TMEFF2: variants seen among roughly 807,000 people sequenced by gnomAD.
The protein encoded by TMEFF2 is tomoregulin-2.
Under a neutral mutation model 53.8 loss-of-function variants are expected in TMEFF2, and 28 were observed. That is an observed-to-expected ratio of 0.52 (90% CI 0.39 to 0.71). TMEFF2 has a LOEUF of 0.71. TMEFF2 is among the 30% of genes least tolerant of loss of function. The probability of loss-of-function intolerance (pLI) is 0.00; values close to 1 mark genes in which losing one functional copy is unlikely to be tolerated. For synonymous variants in TMEFF2, 162 were observed against 166.3 expected, an observed-to-expected ratio of 0.97 and a Z score of 0.20; for missense variants, 353 against 455.2, an observed-to-expected ratio of 0.78 and a Z score of 2.04.
chr2:192,133,454 C>G (rs1022198686), intron 4 of TMEFF2, among the ~76,000 whole-genome samples: 2 of 152,214 alleles, frequency 1.3e-5, no homozygotes, highest in Admixed American at 1.3e-4. Flanking sequence ...TATCACTCGT[C>G]TGCTACAGCA....
intron 7 of TMEFF2, among the ~76,000 whole-genome samples, chr2:191,983,386 T>C (rs1409996762): frequency 1.5e-5 from 1 of 65,572 alleles, no homozygotes; most frequent in African/African-American, 5.8e-5. Context: ...ATGATGCATC[T>C]TAGCCTTTTT....
At chr2:192,182,033 G>A (rs191082355) in intron 3 of TMEFF2, among the ~76,000 whole-genome samples, 45 of 151,814 alleles carry the variant, frequency 3.0e-4, no homozygotes, top group Admixed American at 2.6e-3. Flanking sequence ...CTAAATCTGA[G>A]CTCCTAGTTA....
chr2:192,024,144 G>A (rs1022989845), intron 5 of TMEFF2, among the ~76,000 whole-genome samples: 4 of 151,992 alleles, frequency 2.6e-5, no homozygotes, highest in Non-Finnish European at 5.9e-5. Flanking sequence ...ATAGATGAGG[G>A]TTTTCCATAG....
chr2:192,136,448 T>C (rs907148210), intron 4 of TMEFF2, among the ~76,000 whole-genome samples: 9 of 152,152 alleles, frequency 5.9e-5, no homozygotes, highest in African/African-American at 2.2e-4. Context: ...CATGGTATCA[T>C]TTTTTTATAA....
At position 191,950,017 on chromosome 2, in the gene TMEFF2, T is replaced by TTTTTTCTCATCACTGAGTATTTATTATA; in HGVS notation, c.*266_*293dup. The TTTTTTCTCATCACTGAGTATTTATTATA allele has an allele frequency of 1.8e-6, 2 of 1,117,390 alleles. No homozygotes were observed. Among genetic ancestry groups the TTTTTTCTCATCACTGAGTATTTATTATA allele is most frequent in the South Asian group, 2.6e-5 (1 of 38,018 alleles). 69.2% of individuals were successfully genotyped at this position (1,117,390 alleles called of 1,614,324 possible). ...GATACCGCAAATTTAAGAATGCCAA[T>TTTTTTCTCATCACTGAGTATTTATTATA]TTTTTCTCATCACTGAGTATTTATT... On this transcript the variant is annotated 3_prime_UTR_variant, in exon 10 of 10. Coordinates refer to ENST00000272771, the MANE Select transcript of TMEFF2 (RefSeq NM_016192.4).
At chr2:191,997,511 C>A (rs1440540967) in intron 7 of TMEFF2, among the ~76,000 whole-genome samples, 1 of 151,410 alleles carries the variant, frequency 6.6e-6, no homozygotes, top group African/African-American at 2.4e-5. Context: ...AAATGAAAAG[C>A]TCTGCCTAAA....
At chr2:191,972,571 G>A (rs1307047856) in intron 7 of TMEFF2, among the ~76,000 whole-genome samples, 1 of 151,996 alleles carries the variant, frequency 6.6e-6, no homozygotes, top group Admixed American at 6.6e-5. Flanking sequence ...GCAAACAGGA[G>A]ACCAGTACAG....
chr2:192,006,341 G>T (rs1255828422), intron 5 of TMEFF2, among the ~76,000 whole-genome samples: 1 of 152,162 alleles, frequency 6.6e-6, no homozygotes, highest in African/African-American at 2.4e-5. Flanking sequence ...CCAATCAGAG[G>T]AAAACTGAGC....
intron 4 of TMEFF2, among the ~76,000 whole-genome samples, chr2:192,073,438 T>TC (rs1273159061): frequency 2.6e-5 from 4 of 151,616 alleles, no homozygotes; most frequent in East Asian, 3.9e-4. Flanking sequence ...TTTTTTTTTT[T>TC]AAGCAAGTTA....
chr2:192,164,978 C>CTGTGTGTGTGTG (rs71033662), intron 4 of TMEFF2, among the ~76,000 whole-genome samples: 4,375 of 145,118 alleles, frequency 0.03, 134 homozygotes, highest in East Asian at 0.14. Flanking sequence ...TGAATAAAAA[C>CTGTGTGTGTGTG]TGTGTGTGTG....
At chr2:192,080,593 T>G (rs1688529285) in intron 4 of TMEFF2, among the ~76,000 whole-genome samples, 1 of 152,164 alleles carries the variant, frequency 6.6e-6, no homozygotes, top group Non-Finnish European at 1.5e-5. Flanking sequence ...TGTGTTGAGG[T>G]AGAGAGAGTA....
At chr2:191,972,708 A>G (rs1041938832) in intron 7 of TMEFF2, among the ~76,000 whole-genome samples, 13 of 152,182 alleles carry the variant, frequency 8.5e-5, no homozygotes, top group African/African-American at 3.1e-4. Flanking sequence ...ATGTATTGCA[A>G]AATGGTAGGA....
At chr2:192,096,331 CAT>C (rs1344466020) in intron 4 of TMEFF2, among the ~76,000 whole-genome samples, 1 of 152,096 alleles carries the variant, frequency 6.6e-6, no homozygotes, top group African/African-American at 2.4e-5. Flanking sequence ...AAACAACAGA[CAT>C]GTGACTGTAT....
intron 7 of TMEFF2, among the ~76,000 whole-genome samples, chr2:191,997,177 T>A (rs1362686026): frequency 2.6e-5 from 4 of 151,952 alleles, no homozygotes; most frequent in Admixed American, 6.6e-5. Flanking sequence ...GTAGAACCAA[T>A]GTTTTTCCAT....
chr2:191,966,770 G>A (rs1184520576), intron 7 of TMEFF2, among the ~76,000 whole-genome samples: 1 of 152,058 alleles, frequency 6.6e-6, no homozygotes, highest in African/African-American at 2.4e-5. Context: ...AGTATTTTAT[G>A]GTAATAGATG....
chr2:192,193,757 T>TG (rs1553534646), intron 1 of TMEFF2, among the ~76,000 whole-genome samples: 5 of 26,632 alleles, frequency 1.9e-4, no homozygotes, highest in African/African-American at 5.3e-4. Context: ...GAGAGATAGA[T>TG]AGATAGAGAG....
chr2:192,152,404 C>T lies in TMEFF2; in HGVS notation c.439+27264G>A, dbSNP rs539942853. ...AATATGATTGCTGTTGTAATCATTT[C>T]TGACCTCATGGAAGGTAGTTAAGCA... is the stretch of plus-strand genomic sequence containing the variant. On this transcript the variant is annotated intron_variant, in intron 4 of 9. Coordinates refer to ENST00000272771, the MANE Select transcript of TMEFF2 (RefSeq NM_016192.4). Among the ~76,000 whole-genome samples, 5 of 151,906 alleles carry T rather than the reference C, an allele frequency of 3.3e-5. No homozygotes were observed. The South Asian group carries it at 6.2e-4, about 19-fold the overall frequency.
intron 4 of TMEFF2, among the ~76,000 whole-genome samples, chr2:192,130,459 G>A (rs556623388): frequency 6.6e-6 from 1 of 152,280 alleles, no homozygotes; most frequent in African/African-American, 2.4e-5. Context: ...ATGGCCTGAA[G>A]TAACTGAAGA....
intron 4 of TMEFF2, among the ~76,000 whole-genome samples, chr2:192,126,172 C>T (rs150328781): frequency 9.2e-4 from 140 of 152,212 alleles, no homozygotes; most frequent in African/African-American, 2.6e-3. Context: ...AAAAATAATA[C>T]GCACCATGAA....
Sources: allele counts gnomAD v4.1 joint callset (sites outside exome capture counted in the v4.1 genomes callset), GRCh38; gene constraint gnomAD v4.1.1; transcripts MANE v1.5; gene names NCBI Gene and HGNC (gene_info 2026-07-23, HGNC 2026-07-21).